GNG4: variants seen among roughly 807,000 people sequenced by gnomAD.
GNG4 encodes the protein guanine nucleotide-binding protein G(I)/G(S)/G(O) subunit gamma-4.
A neutral mutation model predicts 5.8 loss-of-function variants in GNG4; 4 were observed. The ratio of observed to expected loss-of-function variants is 0.69; its 90% CI spans 0.34 to 1.57. GNG4 has a LOEUF of 1.57. Among genes scored for constraint, GNG4 ranks in the 40% most tolerant of loss-of-function variants. The probability of loss-of-function intolerance (pLI) is 0.06; values close to 1 mark genes in which losing one functional copy is unlikely to be tolerated. For synonymous variants in GNG4, 29 were observed against 32.9 expected (o/e 0.88, Z 0.41); for missense variants, 96 against 95.1 (o/e 1.01, Z -0.04).
At position 235,560,411 on chromosome 1, in the gene GNG4, C is replaced by T. The variant is rs146504086; in HGVS notation, c.100-8174G>A. ...CTCTCTGCCTCTCTCCTTGCCCTTCCGCCATCTGCTGTGGGGTGACACTGC... is the reference window on the plus strand; with the variant it reads ...CTCTCTGCCTCTCTCCTTGCCCTTCTGCCATCTGCTGTGGGGTGACACTGC... On this transcript the variant is annotated intron_variant, in intron 3 of 3. Coordinates refer to ENST00000391854, the MANE Select transcript of GNG4 (RefSeq NM_001098722.2). 8.6e-3 allele frequency among the ~76,000 whole-genome samples: 1,314 copies of T among 152,230 alleles called. 11 individuals carry two copies. Among genetic ancestry groups the T allele is most frequent in the Middle Eastern group, 0.037 (11 of 294 alleles).
chr1:235,610,511 G>A (rs529311875), intron 1 of GNG4, among the ~76,000 whole-genome samples: 1 of 152,226 alleles, frequency 6.6e-6, no homozygotes, highest in South Asian at 2.1e-4. Flanking sequence ...GCTGCTATTA[G>A]GAGGCACTCA....
chr1:235,630,399 T>C (rs1372371726), intron 1 of GNG4, among the ~76,000 whole-genome samples: 1 of 152,222 alleles, frequency 6.6e-6, no homozygotes, highest in Non-Finnish European at 1.5e-5. Context: ...GTGACTCAAC[T>C]ACTTGAATAA....
Position 235,562,668 on chromosome 1 carries a change from A to T in GNG4, c.100-10431T>A, listed in dbSNP as rs1170393294. On this transcript the variant is annotated intron_variant, in intron 3 of 3. Transcript: ENST00000391854. ...TCAAGAAAAAAAAAAAGAAAAAAAA[A>T]AAAAGAAAAAAAAAAAAGAAGAAAA... 2.0e-5 allele frequency among the ~76,000 whole-genome samples: 3 copies of T among 147,760 alleles called. No individual in the cohort carries two copies. In the East Asian group the frequency reaches 5.8e-4, roughly 29 times the overall value.
intron 3 of GNG4, chr1:235,566,809 A>C (rs1273495681): frequency 6.6e-6 from 1 of 152,264 alleles, no homozygotes; most frequent in African/African-American, 2.4e-5. Context: ...AGGGAATGCT[A>C]ATATTCATCT....
chr1:235,636,167 G>A (rs910136433), intron 1 of GNG4, among the ~76,000 whole-genome samples: 3 of 152,152 alleles, frequency 2.0e-5, no homozygotes, highest in African/African-American at 4.8e-5. Context: ...TGTTTTCACC[G>A]TGCTTCCTCA....
chr1:235,632,705 T>C (rs768747975), intron 1 of GNG4, among the ~76,000 whole-genome samples: 8 of 152,162 alleles, frequency 5.3e-5, no homozygotes, highest in Non-Finnish European at 1.0e-4. Flanking sequence ...GTAAAATGCC[T>C]CAGCTGGGAA....
At chr1:235,594,393 C>T (rs573820524) in intron 2 of GNG4, among the ~76,000 whole-genome samples, 2 of 152,348 alleles carry the variant, frequency 1.3e-5, no homozygotes, top group African/African-American at 4.8e-5. Context: ...CATCTGGGGC[C>T]ACAGGTGGAG....
intron 1 of GNG4, among the ~76,000 whole-genome samples, chr1:235,607,823 A>G (rs1688393937): frequency 6.6e-6 from 1 of 152,070 alleles, no homozygotes; most frequent in Non-Finnish European, 1.5e-5. Context: ...TGCCCAGCAC[A>G]GGGCCCAGCC....
At chr1:235,576,369 T>C (rs2102934382) in intron 3 of GNG4, among the ~76,000 whole-genome samples, 1 of 152,300 alleles carries the variant, frequency 6.6e-6, no homozygotes, top group Non-Finnish European at 1.5e-5. Flanking sequence ...ACCATATATG[T>C]ACTTTTCTAA....
rs57491492 is a variant in GNG4, at chr1:235,592,947, A to AT, written c.-11+2452dup. Among the ~76,000 whole-genome samples the AT allele has an allele frequency of 2.5e-3, 342 of 135,992 alleles. 1 individual carries two copies. Among genetic ancestry groups the AT allele is most frequent in the Admixed American group, 0.013 (182 of 13,484 alleles). 89.2% of individuals were successfully genotyped at this position (135,992 alleles called of 152,430 possible). A position where few individuals can be genotyped will look rare whatever the true frequency, so the allele number is the denominator to read the frequency against. On this transcript the variant is annotated intron_variant, in intron 2 of 3. Transcript: ENST00000391854. ...AGCAGACCCCGGTTTGCTCTGTAAC[A>AT]TTTTTTTTTTTTTTTTTTGAGATGG...
intron 3 of GNG4, among the ~76,000 whole-genome samples, chr1:235,581,868 C>T (rs76847452): frequency 0.15 from 22,192 of 152,148 alleles, 1,846 homozygotes; most frequent in Middle Eastern, 0.24. Flanking sequence ...TTGAAGACAC[C>T]CGGTCCTCAC....
chr1:235,623,299 G>A lies in GNG4; in HGVS notation c.-123+26363C>T, dbSNP rs947057895. On this transcript the variant is annotated intron_variant, in intron 1 of 3. Coordinates refer to ENST00000391854, the MANE Select transcript of GNG4 (RefSeq NM_001098722.2). ...GGGTTCCCTTTCCCCAGTTCCTCTCGCCAGCCATGTGGGGTTTCCATCAGA... is the reference window on the plus strand; with the variant it reads ...GGGTTCCCTTTCCCCAGTTCCTCTCACCAGCCATGTGGGGTTTCCATCAGA... Among the ~76,000 whole-genome samples the A allele has an allele frequency of 9.9e-5, 15 of 152,218 alleles. 1 individual carries two copies. The Middle Eastern group carries it at 0.01, about 104-fold the overall frequency.
At chr1:235,612,631 T>A (rs2102969937) in intron 1 of GNG4, among the ~76,000 whole-genome samples, 1 of 152,148 alleles carries the variant, frequency 6.6e-6, no homozygotes, top group Middle Eastern at 3.4e-3. Flanking sequence ...CAAGTGATCC[T>A]CCTGCCCCAG....
chr1:235,578,183 A>G (rs1203983941), intron 3 of GNG4, among the ~76,000 whole-genome samples: 1 of 152,136 alleles, frequency 6.6e-6, no homozygotes, highest in Non-Finnish European at 1.5e-5. Flanking sequence ...AAAAAAACAG[A>G]CATCACTAGA....
At chr1:235,611,995 T>A (rs1274819719) in intron 1 of GNG4, among the ~76,000 whole-genome samples, 1 of 129,380 alleles carries the variant, frequency 7.7e-6, no homozygotes, top group East Asian at 2.2e-4. Flanking sequence ...GCCTGGGAGG[T>A]TGAGGTTACA....
At chr1:235,568,793 C>CTTTT (rs10625498) in intron 3 of GNG4, among the ~76,000 whole-genome samples, 4 of 144,634 alleles carry the variant, frequency 2.8e-5, no homozygotes, top group African/African-American at 7.6e-5. Flanking sequence ...TTTTTCTTTC[C>CTTTT]TTTTTTTTTT....
In GNG4 at chr1:235,626,284, T is replaced by C. The variant is rs1204445692; in HGVS notation, c.-123+23378A>G. On this transcript the variant is annotated intron_variant, in intron 1 of 3. Transcript: ENST00000391854. Reference sequence around the variant, plus strand: ...TAGGATTTTGTTTTGTTTTGTTTTCTATTGAGTTTTAAGAGTTCTTTTGTA... The same window carrying C: ...TAGGATTTTGTTTTGTTTTGTTTTCCATTGAGTTTTAAGAGTTCTTTTGTA... 1.3e-5 allele frequency among the ~76,000 whole-genome samples: 2 copies of C among 152,234 alleles called. 1 individual carries two copies.
Position 235,571,337 on chromosome 1 carries a change from C to A in GNG4, c.99+12403G>T, listed in dbSNP as rs145875779. Reference sequence around the variant, plus strand: ...CTGGGCTCTCATCACTTTTCAGCTGCTGAATTTTAGGCAAGTTAATGAATC... The same window carrying A: ...CTGGGCTCTCATCACTTTTCAGCTGATGAATTTTAGGCAAGTTAATGAATC... On this transcript the variant is annotated intron_variant, in intron 3 of 3. Coordinates refer to ENST00000391854, the MANE Select transcript of GNG4 (RefSeq NM_001098722.2). Among the ~76,000 whole-genome samples, 9 of 152,312 alleles carry A rather than the reference C, an allele frequency of 5.9e-5. No homozygotes were observed. In the East Asian group the frequency reaches 1.7e-3, roughly 29 times the overall value.
intron 1 of GNG4, among the ~76,000 whole-genome samples, chr1:235,617,310 A>C (rs59667529): frequency 0.057 from 8,608 of 152,222 alleles, 495 homozygotes; most frequent in African/African-American, 0.15. Flanking sequence ...AACAGATGAC[A>C]GGGTGAGAGG....
Sources: gnomAD v4.1 joint callset for allele counts (sites outside exome capture counted in the v4.1 genomes callset) on GRCh38, gnomAD v4.1.1 for gene constraint, MANE v1.5 for transcripts, NCBI Gene and HGNC (gene_info 2026-07-23, HGNC 2026-07-21) for gene names.